ADAMTS20: variants seen among roughly 807,000 people sequenced by gnomAD.
ADAMTS20 encodes the protein A disintegrin and metalloproteinase with thrombospondin motifs 20.
ADAMTS20 carries 225 observed loss-of-function variants against 260.1 expected under a neutral mutation model. The ratio of observed to expected loss-of-function variants is 0.87; its 90% CI spans 0.78 to 0.97. The LOEUF (loss-of-function observed/expected upper bound fraction) is 0.97. Ranked by LOEUF, ADAMTS20 falls within the 50% of genes least tolerant of loss-of-function variation. The probability of loss-of-function intolerance (pLI) is 0.00; values close to 1 mark genes in which losing one functional copy is unlikely to be tolerated. For synonymous variants in ADAMTS20, 802 were observed against 769.5 expected (o/e 1.04, Z -0.70); for missense variants, 2,400 against 2,337.7 (o/e 1.03, Z -0.55).
intron 3 of ADAMTS20, among the ~76,000 whole-genome samples, chr12:43,506,447 G>A (rs1942843241): frequency 2.0e-5 from 3 of 151,590 alleles, no homozygotes; most frequent in Middle Eastern, 3.4e-3. Flanking sequence ...AAGTGCACAC[G>A]TAAAAAGGGT....
chr12:43,406,296 T>C (rs868046027), intron 28 of ADAMTS20, among the ~76,000 whole-genome samples: 6 of 152,168 alleles, frequency 3.9e-5, no homozygotes, highest in Admixed American at 2.0e-4. Context: ...AGAGTATGTA[T>C]TATTTATCCT....
At chr12:43,422,824 G>C (rs1476195007) in intron 28 of ADAMTS20, 1 of 151,930 alleles carries the variant, frequency 6.6e-6, no homozygotes, top group Non-Finnish European at 1.5e-5. Flanking sequence ...TTTTTGTGAG[G>C]TTGAAAAGTC....
At chr12:43,396,391 T>G (rs1940703611) in intron 29 of ADAMTS20, among the ~76,000 whole-genome samples, 1 of 152,194 alleles carries the variant, frequency 6.6e-6, no homozygotes, top group South Asian at 2.1e-4. Flanking sequence ...ACAATCGGAA[T>G]AAAGCAACAA....
chr12:43,381,613 C>T (rs1940352594), intron 31 of ADAMTS20, among the ~76,000 whole-genome samples: 1 of 98,874 alleles, frequency 1.0e-5, no homozygotes. Context: ...GAGACCCCAT[C>T]TCTACAAAAA....
chr12:43,536,805 A>G (rs945420642), intron 2 of ADAMTS20, among the ~76,000 whole-genome samples: 12 of 152,224 alleles, frequency 7.9e-5, no homozygotes, highest in African/African-American at 2.4e-4. Flanking sequence ...CTTCACAGAA[A>G]AAAGCACTCC....
intron 2 of ADAMTS20, among the ~76,000 whole-genome samples, chr12:43,537,071 CATTT>C (rs1156413820): frequency 1.3e-5 from 2 of 151,894 alleles, no homozygotes; most frequent in Non-Finnish European, 2.9e-5. Context: ...ATTTTTCATT[CATTT>C]ATTTATTATT....
At chr12:43,522,453 C>T (rs573082815) in intron 3 of ADAMTS20, among the ~76,000 whole-genome samples, 2 of 152,308 alleles carry the variant, frequency 1.3e-5, no homozygotes, top group East Asian at 3.9e-4. Context: ...TCCATCCAGT[C>T]ATCTGTTTAT....
chr12:43,422,856 G>T (rs1592060450), intron 28 of ADAMTS20: 1 of 151,906 alleles, frequency 6.6e-6, no homozygotes, highest in South Asian at 2.1e-4. Context: ...GGACTTTAAT[G>T]AGCATTCAGA....
chr12:43,375,546 G>A, intron 35 of ADAMTS20, 34 bp from the exon 36 acceptor site: 2 of 1,608,754 alleles, frequency 1.2e-6, no homozygotes, highest in Non-Finnish European at 1.7e-6. Context: ...AGTATTAGAT[G>A]CAGTTACGAG....
chr12:43,435,315 C>A (rs1031173818), intron 18 of ADAMTS20, among the ~76,000 whole-genome samples: 13 of 151,962 alleles, frequency 8.6e-5, no homozygotes, highest in African/African-American at 3.1e-4. Context: ...ACTTTCTACT[C>A]AATTTTTCAG....
chr12:43,399,623 AC>A (rs1232562381), intron 28 of ADAMTS20, among the ~76,000 whole-genome samples: 4 of 152,188 alleles, frequency 2.6e-5, no homozygotes, highest in African/African-American at 9.6e-5. Context: ...TTTTATCTCC[AC>A]ATGCTTTTCT....
At chr12:43,431,777 C>A (rs559477862) in intron 21 of ADAMTS20, among the ~76,000 whole-genome samples, 1 of 152,126 alleles carries the variant, frequency 6.6e-6, no homozygotes, top group Admixed American at 6.5e-5. Context: ...CTGGCACTTT[C>A]TTATGCAAAG....
Position 43,363,814 on chromosome 12 carries a change from G to A in ADAMTS20, c.5538+5476C>T, listed in dbSNP as rs1939925976. 2.0e-5 allele frequency among the ~76,000 whole-genome samples: 3 copies of A among 152,156 alleles called. No individual in the cohort carries two copies. The South Asian group carries it at 6.2e-4, about 32-fold the overall frequency. On this transcript the variant is annotated intron_variant, in intron 37 of 38. Transcript: ENST00000389420. ...TCAGGGAATGAGGCAGCTAAGAAAG[G>A]CTCTTCTTGGGGACTTTCCTGATCT... is the stretch of plus-strand genomic sequence containing the variant.
intron 28 of ADAMTS20, chr12:43,423,696 A>G (rs983067424): frequency 1.4e-6 from 1 of 700,314 alleles, no homozygotes; most frequent in Non-Finnish European, 2.6e-6. Flanking sequence ...ATATCTTTTT[A>G]TAGTGAGTTC....
intron 28 of ADAMTS20, among the ~76,000 whole-genome samples, chr12:43,406,654 C>T (rs189062751): frequency 6.6e-6 from 1 of 151,924 alleles, no homozygotes; most frequent in East Asian, 1.9e-4. Flanking sequence ...ATATCTAAAC[C>T]CCAATAGTTC....
chr12:43,485,481 C>T (rs1279846787), intron 7 of ADAMTS20, among the ~76,000 whole-genome samples: 1 of 152,010 alleles, frequency 6.6e-6, no homozygotes, highest in East Asian at 1.9e-4. Flanking sequence ...CAGGGAAAAG[C>T]TGAAAGCATT....
intron 29 of ADAMTS20, among the ~76,000 whole-genome samples, chr12:43,397,154 G>A (rs1565679812): frequency 6.6e-6 from 1 of 152,170 alleles, no homozygotes; most frequent in Non-Finnish European, 1.5e-5. Context: ...GAGATGGTGA[G>A]TATTTTTGCA....
intron 3 of ADAMTS20, among the ~76,000 whole-genome samples, chr12:43,514,851 T>C (rs563717371): frequency 1.2e-4 from 19 of 152,314 alleles, no homozygotes; most frequent in African/African-American, 4.6e-4. Context: ...AGAAAAACCA[T>C]GTGTTCAGAA....
chr12:43,441,509 A>G (rs1438117938), intron 16 of ADAMTS20, among the ~76,000 whole-genome samples: 1 of 152,144 alleles, frequency 6.6e-6, no homozygotes, highest in Non-Finnish European at 1.5e-5. Flanking sequence ...GACAAACCTC[A>G]TGCTCAGTTT....
Sources: allele counts gnomAD v4.1 joint callset (sites outside exome capture counted in the v4.1 genomes callset), GRCh38; gene constraint gnomAD v4.1.1; transcripts MANE v1.5; gene names NCBI Gene and HGNC (gene_info 2026-07-23, HGNC 2026-07-21).